The following FRAS1 variants were observed in gnomAD, a reference collection of about 807,000 sequenced individuals.
The protein encoded by FRAS1 is extracellular matrix organizing protein FRAS1.
In FRAS1, 290 loss-of-function variants were observed where a neutral mutation model predicts 435.2. The ratio of observed to expected loss-of-function variants is 0.67; its 90% CI spans 0.61 to 0.73. The LOEUF (loss-of-function observed/expected upper bound fraction) is 0.73. Among genes scored for constraint, FRAS1 ranks in the 30% least tolerant of loss-of-function variants. FRAS1 has a pLI of 0.00. For synonymous variants in FRAS1, 1,800 were observed against 1,851.0 expected (o/e 0.97, Z 0.71); for missense variants, 4,860 against 5,001.5 (o/e 0.97, Z 0.85).
chr4:78,067,556 G>C, intron 2 of FRAS1, among the ~76,000 whole-genome samples: 1 of 151,916 alleles, frequency 6.6e-6, no homozygotes, highest in East Asian at 1.9e-4. Context: ...GCTCATGGCT[G>C]CTCAAGATTA....
At chr4:78,375,146 C>G (rs1482372482) in intron 25 of FRAS1, among the ~76,000 whole-genome samples, 1 of 152,070 alleles carries the variant, frequency 6.6e-6, no homozygotes, top group Non-Finnish European at 1.5e-5. Flanking sequence ...ATAAGTAATC[C>G]TATGTCCTAT....
At chr4:78,354,186 C>T (rs1478957789) in intron 20 of FRAS1, among the ~76,000 whole-genome samples, 2 of 152,176 alleles carry the variant, frequency 1.3e-5, no homozygotes, top group Admixed American at 6.5e-5. Context: ...GCTGTTTCCT[C>T]GGCTCCTACG....
rs149256221 is a variant in FRAS1 at position 78,365,702 on chromosome 4, G to A, written c.2722+1648G>A. On this transcript the variant is annotated intron_variant, in intron 22 of 73. Coordinates refer to ENST00000512123, the MANE Select transcript of FRAS1 (RefSeq NM_025074.7). ...TTTCATTCTGAGATTGAAAAAATACGCTCCTAAGTTGGGATATTTGAGTTT... is the reference window on the plus strand; with the variant it reads ...TTTCATTCTGAGATTGAAAAAATACACTCCTAAGTTGGGATATTTGAGTTT... 5.3e-3 allele frequency among the ~76,000 whole-genome samples: 774 copies of A among 145,418 alleles called. 28 individuals carry two copies. Among genetic ancestry groups the A allele is most frequent in the Admixed American group, 0.042 (614 of 14,508 alleles).
At chr4:78,071,226 C>A (rs933218491) in intron 2 of FRAS1, 1 of 152,206 alleles carries the variant, frequency 6.6e-6, no homozygotes, top group Non-Finnish European at 1.5e-5. Flanking sequence ...CCACTACATA[C>A]ATGCTGTGTG....
At chr4:78,375,694 G>C in intron 25 of FRAS1, 45 bp from the exon 26 acceptor site, 3 of 1,505,918 alleles carry the variant, frequency 2.0e-6, no homozygotes, top group African/African-American at 1.4e-5. Flanking sequence ...TTTGTCGCTG[G>C]TGTTGCCTTG....
intron 2 of FRAS1, among the ~76,000 whole-genome samples, chr4:78,201,895 G>T (rs1723063171): frequency 6.6e-6 from 1 of 152,134 alleles, no homozygotes; most frequent in Non-Finnish European, 1.5e-5. Flanking sequence ...TCATGTTAGG[G>T]GGCATGACCA....
chr4:78,526,490 GCAACCTATCAGTTGTTC>G, intron 69 of FRAS1, 34 bp from the exon 70 acceptor site: 1 of 1,242,476 alleles, frequency 8.0e-7, no homozygotes, highest in Non-Finnish European at 1.1e-6. Flanking sequence ...GGGTAAGCCA[GCAACCTATCAGTTGTTC>G]CCTACGATCA....
rs759091752 is a variant in FRAS1, at chr4:78,508,839, C to T, written c.9613C>T (p.His3205Tyr). 6.2e-6 allele frequency: 10 copies of T among 1,613,844 alleles called. No homozygotes were observed. The highest frequency in any genetic ancestry group is 7.6e-6 in the Non-Finnish European group (9 of 1,179,838). The change falls in exon 63 of 74, where the codon CAT becomes TAT. Residue 3205 changes from histidine to tyrosine, a missense_variant. Coordinates refer to ENST00000512123, the MANE Select transcript of FRAS1 (RefSeq NM_025074.7). ...PLVCVTPCDP[H>Y]FPRYAVMKER... ...GGTCTGTGTCACCCCCTGCGACCCT[C>T]ATTTCCCCAGATACGCTGTCATGAA...
chr4:78,203,980 C>T (rs1430264144), intron 2 of FRAS1, among the ~76,000 whole-genome samples: 1 of 152,156 alleles, frequency 6.6e-6, no homozygotes, highest in Admixed American at 6.5e-5. Context: ...AAACATAGTG[C>T]TAGAGGGCTG....
At chr4:78,517,581 G>C (rs192218156) in intron 66 of FRAS1, among the ~76,000 whole-genome samples, 2 of 152,274 alleles carry the variant, frequency 1.3e-5, no homozygotes. Context: ...ATAGAACTTA[G>C]AACTAAGGCC....
chr4:78,379,375 A>G, intron 26 of FRAS1: 1 of 227,176 alleles, frequency 4.4e-6, no homozygotes, highest in South Asian at 7.8e-5. Flanking sequence ...TACTCCAGCC[A>G]TCGGCATAGT....
chr4:78,383,867 A>G (rs1267578415), intron 27 of FRAS1, among the ~76,000 whole-genome samples, 192 bp from the exon 28 acceptor site: 1 of 152,150 alleles, frequency 6.6e-6, no homozygotes, highest in Admixed American at 6.5e-5. Flanking sequence ...AACACACAGT[A>G]TTTTTACCTG....
At chr4:78,187,924 A>G (rs971782552) in intron 2 of FRAS1, among the ~76,000 whole-genome samples, 2 of 152,142 alleles carry the variant, frequency 1.3e-5, no homozygotes, top group Non-Finnish European at 2.9e-5. Flanking sequence ...TCTTAAAGAC[A>G]GCATCAGCAT....
intron 2 of FRAS1, among the ~76,000 whole-genome samples, chr4:78,079,250 A>T (rs1324124673): frequency 2.1e-5 from 3 of 144,980 alleles, no homozygotes; most frequent in African/African-American, 8.6e-5. Flanking sequence ...TTTGTCAACA[A>T]GAGAGAGAGA....
chr4:78,281,738 C>G (rs1428738951), intron 11 of FRAS1, among the ~76,000 whole-genome samples: 1 of 152,116 alleles, frequency 6.6e-6, no homozygotes, highest in Non-Finnish European at 1.5e-5. Context: ...CTAGAAAACT[C>G]AGTTTAACCA....
intron 4 of FRAS1, among the ~76,000 whole-genome samples, chr4:78,250,049 T>C (rs1418035263): frequency 2.6e-5 from 4 of 152,108 alleles, no homozygotes; most frequent in African/African-American, 9.6e-5. Context: ...TATATATAAT[T>C]TAAAGACTAT....
chr4:78,223,195 T>C (rs1214764272), intron 2 of FRAS1, among the ~76,000 whole-genome samples: 1 of 152,166 alleles, frequency 6.6e-6, no homozygotes, highest in Non-Finnish European at 1.5e-5. Context: ...AATTTCCTCT[T>C]GGTTTGGAAT....
At chr4:78,061,825 G>A (rs1420554149) in intron 1 of FRAS1, among the ~76,000 whole-genome samples, 1 of 152,186 alleles carries the variant, frequency 6.6e-6, no homozygotes, top group Admixed American at 6.5e-5. Flanking sequence ...CTGCGCTCAA[G>A]GAGTTTGCAT....
chr4:78,420,107 G>C lies in FRAS1; in HGVS notation c.4540+1044G>C, dbSNP rs1375446836. Among the ~76,000 whole-genome samples, 3 of 152,140 alleles carry C rather than the reference G, an allele frequency of 2.0e-5. No homozygotes were observed. In the East Asian group the frequency reaches 5.8e-4, roughly 29 times the overall value. On this transcript the variant is annotated intron_variant, in intron 33 of 73. Transcript: ENST00000512123. ...GCTGCTCCTCACAGAAAGAAGATCA[G>C]GTTCTATTAAGATAATTCTGCTCCC...
Sources: gnomAD v4.1 joint callset for allele counts (sites outside exome capture counted in the v4.1 genomes callset) on GRCh38, gnomAD v4.1.1 for gene constraint, MANE v1.5 for transcripts, NCBI Gene and HGNC (gene_info 2026-07-23, HGNC 2026-07-21) for gene names.